Variants in WDR5 observed in about 807,000 individuals in gnomAD.
WDR5 encodes WD repeat domain 5.
For missense variants in WDR5, 187 were observed against 416.9 expected (o/e 0.45, Z 4.80); for synonymous variants, 144 against 161.6 (o/e 0.89, Z 0.83).
intron 1 of WDR5, among the ~76,000 whole-genome samples, chr9:134,136,747 A>G (rs1002445890): frequency 3.3e-5 from 5 of 152,012 alleles, no homozygotes; most frequent in African/African-American, 1.2e-4. Flanking sequence ...GGGGCCGCAG[A>G]CCTGTCCTGG....
In WDR5 at chr9:134,159,370, G is replaced by C. The variant is rs1832895029; in HGVS notation, c.*1377G>C. On this transcript the variant is annotated 3_prime_UTR_variant, in exon 14 of 14. Coordinates refer to ENST00000358625, the MANE Select transcript of WDR5 (RefSeq NM_017588.3). This position sits in a 1 kb window ranked among gnomAD's most constrained non-coding sequence, Gnocchi z 4.3. The stretch of plus-strand genomic sequence containing the variant: ...GGTCCTGGGTCTACAGAGGGCCCTG[G>C]CCCCGGAGCCCAGCCAGCTCTGCCT... 2 of 152,510 alleles carry C rather than the reference G, an allele frequency of 1.3e-5. No individual in the cohort carries two copies. Among genetic ancestry groups the C allele is most frequent in the Admixed American group, 6.5e-5 (1 of 15,288 alleles). The allele number at this position is 152,510 out of a possible 1,614,324, so 9.4% of individuals were successfully genotyped here.
chr9:134,144,019 C>T (rs1335857112), intron 7 of WDR5, among the ~76,000 whole-genome samples: 1 of 152,230 alleles, frequency 6.6e-6, no homozygotes, highest in Non-Finnish European at 1.5e-5. Flanking sequence ...ATGCTGCCTG[C>T]CCGTGTGCCT....
Position 134,154,559 on chromosome 9 carries a change from C to T in WDR5, c.707+18C>T. The T allele has an allele frequency of 6.2e-7, 1 of 1,613,700 alleles. No homozygotes were observed. Among genetic ancestry groups the T allele is most frequent in the Non-Finnish European group, 8.5e-7 (1 of 1,179,728 alleles). On this transcript the variant is annotated intron_variant, in intron 10 of 13. Transcript: ENST00000358625. ...CTGGACAAGTGAGTACTGCGTGGGA[C>T]TGTGGGGGCGGGCATGTGGCCTCCC...
chr9:134,156,727 G>GAA, intron 13 of WDR5, 134 bp downstream of exon 13: 1 of 810,108 alleles, frequency 1.2e-6, no homozygotes, highest in Admixed American at 2.4e-5. Context: ...CCCCGCTGAG[G>GAA]AACCGCTGCT....
chr9:134,154,198 G>T (rs546352040), intron 9 of WDR5, among the ~76,000 whole-genome samples: 38 of 152,296 alleles, frequency 2.5e-4, no homozygotes, highest in African/African-American at 8.9e-4. Flanking sequence ...AGTGCCCATG[G>T]CCTGGTGCCC....
chr9:134,154,503 C>T lies in WDR5; in HGVS notation c.669C>T (p.Ser223=). 1 of 1,614,170 alleles carries T rather than the reference C, an allele frequency of 6.2e-7. No homozygotes were observed. Among genetic ancestry groups the T allele is most frequent in the South Asian group, 1.1e-5 (1 of 91,086 alleles). ...DNPPVSFVKF[S]PNGKYILAAT... ...CCCCCGTGTCTTTTGTGAAGTTCTC[C>T]CCGAACGGCAAATACATCCTGGCCG... The change falls in exon 10 of 14, where the codon TCC becomes TCT. Residue 223 remains serine, a synonymous_variant. Transcript: ENST00000358625.
intron 1 of WDR5, among the ~76,000 whole-genome samples, chr9:134,138,699 A>T (rs35401074): frequency 0.23 from 34,291 of 152,050 alleles, 4,832 homozygotes; most frequent in Admixed American, 0.36. Context: ...TGGGTGTTGT[A>T]ATTTCTCTGC....
At chr9:134,136,698 C>T (rs773130651) in intron 1 of WDR5, among the ~76,000 whole-genome samples, 18 of 152,186 alleles carry the variant, frequency 1.2e-4, no homozygotes, top group African/African-American at 2.9e-4. Flanking sequence ...GGTGCGGGTC[C>T]TCGGTCCTGA....
At position 134,158,086 on chromosome 9, in the gene WDR5, C is replaced by G. The variant is rs1588183255; in HGVS notation, c.*93C>G. 7 of 1,175,152 alleles carry G rather than the reference C, an allele frequency of 6.0e-6. No homozygotes were observed. Among genetic ancestry groups the G allele is most frequent in the Middle Eastern group, 3.9e-4 (2 of 5,160 alleles). The allele number at this position is 1,175,152 out of a possible 1,614,324, so 72.8% of individuals were successfully genotyped here. A position where few individuals can be genotyped will look rare whatever the true frequency, so the allele number is the denominator to read the frequency against. On this transcript the variant is annotated 3_prime_UTR_variant, in exon 14 of 14. Transcript: ENST00000358625. ...TTGGAGGTGGTCCCCCAGATCTGCG[C>G]CTGGGGGTCAGGACAGGGCCTGATT...
Position 134,157,335 on chromosome 9 carries a change from C to T in WDR5, c.905-558C>T, listed in dbSNP as rs374948769. ...GAAGCTGTAAACACTTTGATGTGGC[C>T]GACCTTGCACCACCAGTCTGTTAGT... On this transcript the variant is annotated intron_variant, in intron 13 of 13. Transcript: ENST00000358625. This position sits in a 1 kb window ranked among gnomAD's most constrained non-coding sequence, Gnocchi z 5.0. 3.3e-5 allele frequency among the ~76,000 whole-genome samples: 5 copies of T among 152,150 alleles called. No homozygotes were observed. The highest frequency in any genetic ancestry group is 3.9e-4 in the East Asian group (2 of 5,178).
intron 7 of WDR5, among the ~76,000 whole-genome samples, chr9:134,146,673 G>C (rs573497423): frequency 1.3e-5 from 2 of 152,350 alleles, no homozygotes; most frequent in Non-Finnish European, 2.9e-5. Context: ...GTAGTATTTG[G>C]ATGTGGTTAA....
chr9:134,158,154 G>T lies in WDR5; in HGVS notation c.*161G>T. 1.6e-6 allele frequency: 1 copy of T among 619,294 alleles called. No individual in the cohort carries two copies. The highest frequency in any genetic ancestry group is 2.8e-6 in the Non-Finnish European group (1 of 355,760). The allele number at this position is 619,294 out of a possible 1,614,324, so 38.4% of individuals were successfully genotyped here. A position where few individuals can be genotyped will look rare whatever the true frequency, so the allele number is the denominator to read the frequency against. On this transcript the variant is annotated 3_prime_UTR_variant, in exon 14 of 14. Coordinates refer to ENST00000358625, the MANE Select transcript of WDR5 (RefSeq NM_017588.3). ...GATGATTTGGCCGAGCGGAAGGTGT[G>T]GACCACCGGAAAGTTCTTAAAAGTT...
At chr9:134,147,047 CAG>C (rs1311880985) in intron 7 of WDR5, among the ~76,000 whole-genome samples, 1 of 151,050 alleles carries the variant, frequency 6.6e-6, no homozygotes, top group Non-Finnish European at 1.5e-5. Context: ...CTGCAGATTT[CAG>C]AGACCTGGCA....
intron 9 of WDR5, 77 bp from the exon 10 acceptor site, chr9:134,154,389 T>C (rs28703244): frequency 0.72 from 1,052,095 of 1,453,390 alleles, 384,106 homozygotes; most frequent in Non-Finnish European, 0.75. Flanking sequence ...ACGTGGGGGA[T>C]GGGGAGCGGG....
chr9:134,142,208 G>T, intron 5 of WDR5, 125 bp from the exon 6 acceptor site: 1 of 1,208,528 alleles, frequency 8.3e-7, no homozygotes, highest in African/African-American at 1.5e-5. Context: ...GTTGACTTCG[G>T]GGAACAGCAA....
chr9:134,157,441 G>A lies in WDR5; in HGVS notation c.905-452G>A, dbSNP rs960945057. 6.6e-6 allele frequency among the ~76,000 whole-genome samples: 1 copy of A among 152,254 alleles called. No individual in the cohort carries two copies. Among genetic ancestry groups the A allele is most frequent in the East Asian group, 1.9e-4 (1 of 5,174 alleles). ...GTGGGGTGCTCTGGGGCTTAGCATTGGGGGGAGGCGGTGGGAGTGGGCGGC... is the reference window on the plus strand; with the variant it reads ...GTGGGGTGCTCTGGGGCTTAGCATTAGGGGGAGGCGGTGGGAGTGGGCGGC... On this transcript the variant is annotated intron_variant, in intron 13 of 13. Transcript: ENST00000358625. This position sits in a 1 kb window ranked among gnomAD's most constrained non-coding sequence, Gnocchi z 5.0.
chr9:134,153,255 C>G (rs928344823), intron 9 of WDR5, among the ~76,000 whole-genome samples: 2 of 152,190 alleles, frequency 1.3e-5, no homozygotes. Flanking sequence ...GAGGCTCATT[C>G]ACTAGCCCAA....
chr9:134,148,714 C>T (rs1368041874), intron 8 of WDR5, among the ~76,000 whole-genome samples: 3 of 152,092 alleles, frequency 2.0e-5, no homozygotes, highest in East Asian at 1.9e-4. Flanking sequence ...TGAGTGATGC[C>T]GTCTTGCCCT....
rs1832798900 is a variant in WDR5, at chr9:134,157,471, G to T, written c.905-422G>T. ...GAGGCGGTGGGAGTGGGCGGCTCAG[G>T]GTCCGAGGAGAAGAGGGACATTGTC... is the stretch of plus-strand genomic sequence containing the variant. On this transcript the variant is annotated intron_variant, in intron 13 of 13. Transcript: ENST00000358625. The surrounding 1 kb of genome is among the most constrained non-coding windows in gnomAD (Gnocchi z 5.0). Among the ~76,000 whole-genome samples the T allele has an allele frequency of 6.6e-6, 1 of 152,050 alleles. No homozygotes were observed. Among genetic ancestry groups the T allele is most frequent in the South Asian group, 2.1e-4 (1 of 4,822 alleles).
Sources: allele counts gnomAD v4.1 joint callset (sites outside exome capture counted in the v4.1 genomes callset), GRCh38; gene constraint gnomAD v4.1.1; non-coding constraint Gnocchi (gnomAD v3.1); transcripts MANE v1.5; gene names NCBI Gene and HGNC (gene_info 2026-07-23, HGNC 2026-07-21).